CDKAL1: variants seen among roughly 807,000 people sequenced by gnomAD.
The protein encoded by CDKAL1 is threonylcarbamoyladenosine tRNA methylthiotransferase.
Under a neutral mutation model 68.2 loss-of-function variants are expected in CDKAL1, and 32 were observed. That is an observed-to-expected ratio of 0.47 (90% CI 0.35 to 0.63). CDKAL1 has a LOEUF of 0.63. CDKAL1 is among the 30% of genes least tolerant of loss of function. CDKAL1 has a pLI of 0.00. For missense variants in CDKAL1, 606 were observed against 696.7 expected (o/e 0.87, Z 1.47); for synonymous variants, 234 against 244.3 (o/e 0.96, Z 0.39).
intron 15 of CDKAL1, among the ~76,000 whole-genome samples, chr6:21,211,078 C>T (rs1432390719): frequency 6.6e-6 from 1 of 152,226 alleles, no homozygotes; most frequent in Non-Finnish European, 1.5e-5. Flanking sequence ...CATCTGTAGT[C>T]ATGGGGAACT....
chr6:20,741,761 C>A (rs1773470390), intron 6 of CDKAL1, among the ~76,000 whole-genome samples: 2 of 152,118 alleles, frequency 1.3e-5, no homozygotes, highest in Non-Finnish European at 2.9e-5. Context: ...AATAGTGCTA[C>A]AGTGAACATT....
At chr6:20,948,456 C>T (rs1300331562) in intron 9 of CDKAL1, among the ~76,000 whole-genome samples, 1 of 152,092 alleles carries the variant, frequency 6.6e-6, no homozygotes, top group African/African-American at 2.4e-5. Context: ...TTTTACTTTT[C>T]TTTACCTTCT....
chr6:20,564,345 G>T (rs1390722047), intron 4 of CDKAL1, among the ~76,000 whole-genome samples: 1 of 152,118 alleles, frequency 6.6e-6, no homozygotes, highest in Non-Finnish European at 1.5e-5. Context: ...AGATGTTTTT[G>T]TACAATTTAG....
At chr6:21,033,144 G>A (rs942092271) in intron 11 of CDKAL1, among the ~76,000 whole-genome samples, 1 of 152,114 alleles carries the variant, frequency 6.6e-6, no homozygotes, top group Non-Finnish European at 1.5e-5. Context: ...TGGATAATTA[G>A]GATGAATTCA....
chr6:21,000,559 C>T (rs1767375729), intron 11 of CDKAL1, among the ~76,000 whole-genome samples, 187 bp downstream of exon 11: 1 of 152,144 alleles, frequency 6.6e-6, no homozygotes, highest in South Asian at 2.1e-4. Flanking sequence ...CAGTTTATAT[C>T]CACCTTCCAT....
intron 11 of CDKAL1, among the ~76,000 whole-genome samples, chr6:21,023,815 A>G (rs1315661103): frequency 6.6e-6 from 1 of 152,190 alleles, no homozygotes; most frequent in Admixed American, 6.5e-5. Flanking sequence ...GATCATATCC[A>G]TTTAGCTTTT....
chr6:20,887,263 G>C (rs1761112306), intron 9 of CDKAL1, among the ~76,000 whole-genome samples: 1 of 152,110 alleles, frequency 6.6e-6, no homozygotes, highest in African/African-American at 2.4e-5. Flanking sequence ...AAAATGTCTG[G>C]CAGTTTCTTA....
At chr6:20,881,539 A>G (rs1466565215) in intron 9 of CDKAL1, among the ~76,000 whole-genome samples, 1 of 152,212 alleles carries the variant, frequency 6.6e-6, no homozygotes, top group South Asian at 2.1e-4. Context: ...TGACTTGGCT[A>G]TATTTAACTA....
At chr6:21,038,008 C>T (rs1769688500) in intron 11 of CDKAL1, among the ~76,000 whole-genome samples, 1 of 152,016 alleles carries the variant, frequency 6.6e-6, no homozygotes, top group African/African-American at 2.4e-5. Flanking sequence ...AGCTCTGGAC[C>T]CTGGGAATAT....
chr6:21,131,945 C>T (rs929497923), intron 13 of CDKAL1, among the ~76,000 whole-genome samples: 1 of 151,970 alleles, frequency 6.6e-6, no homozygotes, highest in African/African-American at 2.4e-5. Flanking sequence ...ATGAAAACAT[C>T]ATTGTTTAAC....
chr6:21,052,519 A>C (rs1214453455), intron 11 of CDKAL1, among the ~76,000 whole-genome samples: 1 of 150,094 alleles, frequency 6.7e-6, no homozygotes, highest in Non-Finnish European at 1.5e-5. Context: ...TGGCTAATTT[A>C]AATTTTTTTA....
intron 12 of CDKAL1, among the ~76,000 whole-genome samples, chr6:21,095,637 C>A (rs1773279473): frequency 6.9e-6 from 1 of 144,822 alleles, no homozygotes; most frequent in Non-Finnish European, 1.5e-5. Flanking sequence ...GACAGTGTTG[C>A]TTGGCAAAGA....
intron 11 of CDKAL1, among the ~76,000 whole-genome samples, chr6:21,037,709 C>A (rs989969): frequency 0.3 from 45,219 of 152,092 alleles, 7,008 homozygotes; most frequent in Middle Eastern, 0.38. Context: ...GTAGCTACCC[C>A]CTACTGTATT....
intron 9 of CDKAL1, among the ~76,000 whole-genome samples, chr6:20,925,187 G>A (rs73735029): frequency 0.027 from 4,042 of 152,202 alleles, 178 homozygotes; most frequent in African/African-American, 0.088. Flanking sequence ...AAAAAATTAC[G>A]ACTCCCTGAA....
chr6:21,133,846 C>A (rs1775447579), intron 13 of CDKAL1, among the ~76,000 whole-genome samples: 1 of 152,124 alleles, frequency 6.6e-6, no homozygotes, highest in Non-Finnish European at 1.5e-5. Flanking sequence ...GAAAGAAGGC[C>A]ATGTGCACAT....
intron 13 of CDKAL1, among the ~76,000 whole-genome samples, chr6:21,131,007 T>C (rs1775294516): frequency 6.6e-6 from 1 of 152,136 alleles, no homozygotes; most frequent in Non-Finnish European, 1.5e-5. Flanking sequence ...AAAAGGAGAG[T>C]GTTCCCAAAA....
At chr6:20,833,555 C>A (rs1370033421) in intron 8 of CDKAL1, among the ~76,000 whole-genome samples, 1 of 151,850 alleles carries the variant, frequency 6.6e-6, no homozygotes, top group East Asian at 1.9e-4. Context: ...CAACCTGTAA[C>A]TAAAAAGTAA....
chr6:21,003,432 G>T (rs1767562468), intron 11 of CDKAL1, among the ~76,000 whole-genome samples: 2 of 144,080 alleles, frequency 1.4e-5, no homozygotes, highest in African/African-American at 5.2e-5. Context: ...CAGGCATGGT[G>T]GCACGTGCCT....
chr6:21,200,462 C>T (rs552966317), intron 14 of CDKAL1, among the ~76,000 whole-genome samples: 1 of 152,306 alleles, frequency 6.6e-6, no homozygotes, highest in South Asian at 2.1e-4. Flanking sequence ...TTAAATGTAC[C>T]TCCTTCTCCC....
Sources: allele counts gnomAD v4.1 joint callset (sites outside exome capture counted in the v4.1 genomes callset), GRCh38; gene constraint gnomAD v4.1.1; transcripts MANE v1.5; gene names NCBI Gene and HGNC (gene_info 2026-07-23, HGNC 2026-07-21).